Variants in NEDD4L observed in about 807,000 individuals in gnomAD.
NEDD4L encodes the protein NEDD4 like E3 ubiquitin protein ligase, also known as E3 ubiquitin-protein ligase NEDD4-like.
In NEDD4L, 54 loss-of-function variants were observed where a neutral mutation model predicts 148.9. The observed-to-expected ratio is 0.36, with a 90% CI of 0.29 to 0.45. NEDD4L has a LOEUF of 0.45. Ranked by LOEUF, NEDD4L falls within the 20% of genes least tolerant of loss-of-function variation. The probability of loss-of-function intolerance (pLI) is 1.00; values close to 1 mark genes in which losing one functional copy is unlikely to be tolerated. For synonymous variants in NEDD4L, 433 were observed against 440.7 expected (o/e 0.98, Z 0.22); for missense variants, 856 against 1,233.8 (o/e 0.69, Z 4.59).
At position 58,335,486 on chromosome 18, in the gene NEDD4L, C is replaced by A. The variant is rs1416886543; in HGVS notation, c.1074C>A (p.Ala358=). The A allele has an allele frequency of 6.2e-7, 1 of 1,613,296 alleles. No individual in the cohort carries two copies. The highest frequency in any genetic ancestry group is 1.3e-5 in the African/African-American group (1 of 74,886). ...TAAATTATCATTCACAGCCCAGTGC[C>A]CCAGCTGGGAGAGCGCGTTCATCAA... ...AEQGHLPPPS[A]PAGRARSSTV... is the part of the protein sequence containing the mutation. The change falls in exon 13 of 31, where the codon GCC becomes GCA. Residue 358 remains alanine, a synonymous_variant. Transcript: ENST00000400345.
At chr18:58,089,743 G>A (rs748428546) in intron 1 of NEDD4L, among the ~76,000 whole-genome samples, 5 of 152,048 alleles carry the variant, frequency 3.3e-5, no homozygotes, top group African/African-American at 2.4e-5. Context: ...AGATCAAGGC[G>A]TCATGAGGGT....
rs529382028 is a variant in NEDD4L, at chr18:58,132,008, C to T, written c.49-33780C>T. ...TTACTCTAAAGCAGGTCCCCTTGCT[C>T]CTCTCTGCTAGTGCATTCTCTTTCC... On this transcript the variant is annotated intron_variant, in intron 1 of 30. Coordinates refer to ENST00000400345, the MANE Select transcript of NEDD4L (RefSeq NM_001144967.3). 1.5e-3 allele frequency among the ~76,000 whole-genome samples: 223 copies of T among 152,290 alleles called. 1 individual carries two copies. The highest frequency in any genetic ancestry group is 5.1e-3 in the African/African-American group (214 of 41,558).
At chr18:58,076,318 G>C (rs2145002306) in intron 1 of NEDD4L, among the ~76,000 whole-genome samples, 1 of 152,294 alleles carries the variant, frequency 6.6e-6, no homozygotes, top group South Asian at 2.1e-4. Flanking sequence ...GCAAACCCTT[G>C]ATTCCATTCG....
At chr18:58,069,136 CAA>C (rs1161273608) in intron 1 of NEDD4L, among the ~76,000 whole-genome samples, 958 of 73,254 alleles carry the variant, frequency 0.013, 9 homozygotes, top group African/African-American at 0.037. Context: ...AATCTGTCTC[CAA>C]AAAAAAAAAA....
At chr18:58,294,153 G>A (rs1199839614) in intron 5 of NEDD4L, among the ~76,000 whole-genome samples, 8 of 152,118 alleles carry the variant, frequency 5.3e-5, no homozygotes, top group Admixed American at 1.3e-4. Flanking sequence ...TCGATATCAC[G>A]GAAATACACA....
At chr18:58,092,961 C>G (rs1282456320) in intron 1 of NEDD4L, among the ~76,000 whole-genome samples, 1 of 151,394 alleles carries the variant, frequency 6.6e-6, no homozygotes, top group Admixed American at 6.6e-5. Context: ...CCCAAGTTCA[C>G]GCCATTCTCC....
chr18:58,241,587 G>A (rs1206828651), intron 2 of NEDD4L, among the ~76,000 whole-genome samples: 1 of 150,380 alleles, frequency 6.6e-6, no homozygotes, highest in African/African-American at 2.5e-5. Flanking sequence ...GCAGGTCTGG[G>A]GTGGGGCCAG....
At chr18:58,364,645 A>G (rs1419813927) in intron 20 of NEDD4L, among the ~76,000 whole-genome samples, 3 of 152,200 alleles carry the variant, frequency 2.0e-5, no homozygotes, top group Non-Finnish European at 4.4e-5. Flanking sequence ...AAATCTGTGG[A>G]AGCCTATTCA....
At chr18:58,072,443 A>G (rs1033748743) in intron 1 of NEDD4L, among the ~76,000 whole-genome samples, 3 of 152,322 alleles carry the variant, frequency 2.0e-5, no homozygotes, top group East Asian at 1.9e-4. Context: ...AAACCACTCA[A>G]TGTAATCTGT....
intron 27 of NEDD4L, 115 bp from the exon 28 acceptor site, chr18:58,388,970 T>C (rs2049421338): frequency 2.5e-6 from 2 of 786,646 alleles, no homozygotes; most frequent in East Asian, 5.4e-5. Flanking sequence ...TATGATTTGC[T>C]AGCTTACCTT....
chr18:58,375,503 G>A (rs1435456424), intron 24 of NEDD4L, among the ~76,000 whole-genome samples: 1 of 152,048 alleles, frequency 6.6e-6, no homozygotes, highest in Non-Finnish European at 1.5e-5. Flanking sequence ...CCCCCCTCTG[G>A]CATTACCCTC....
At chr18:58,090,065 C>G (rs57476558) in intron 1 of NEDD4L, among the ~76,000 whole-genome samples, 9,848 of 152,148 alleles carry the variant, frequency 0.065, 410 homozygotes, top group East Asian at 0.17. Flanking sequence ...GTCTCGAACT[C>G]CTGACCTCGT....
rs1451089061 is a variant in NEDD4L at position 58,256,328 on chromosome 18, G to A, written c.297+4274G>A. 1 of 1,232,026 alleles carries A rather than the reference G, an allele frequency of 8.1e-7. No individual in the cohort carries two copies. The highest frequency in any genetic ancestry group is 1.0e-6 in the Non-Finnish European group (1 of 987,916). 76.3% of individuals were successfully genotyped at this position (1,232,026 alleles called of 1,614,324 possible). On this transcript the variant is annotated intron_variant, in intron 5 of 30. Transcript: ENST00000400345. This position sits in a 1 kb window ranked among gnomAD's most constrained non-coding sequence, Gnocchi z 5.2. ...GCCCAGGCGCTGGTCCCTGCAGCAC[G>A]TTCCAGATGCTTCTGGAAGCTCTGG...
chr18:58,184,431 G>A (rs1599467228), intron 2 of NEDD4L, among the ~76,000 whole-genome samples: 1 of 152,038 alleles, frequency 6.6e-6, no homozygotes, highest in Non-Finnish European at 1.5e-5. Context: ...GCCTTGCTGG[G>A]CACCTGGAGT....
chr18:58,189,881 A>G (rs538759662), intron 2 of NEDD4L: 2 of 152,238 alleles, frequency 1.3e-5, no homozygotes, highest in Admixed American at 1.3e-4. Flanking sequence ...AGTATCTTCT[A>G]TTTCATATCT....
intron 2 of NEDD4L, among the ~76,000 whole-genome samples, chr18:58,185,869 G>A (rs1020257651): frequency 6.6e-6 from 1 of 150,842 alleles, no homozygotes; most frequent in Non-Finnish European, 1.5e-5. Context: ...GCAAAACTCT[G>A]TCTCAAAAAA....
chr18:58,299,400 T>C (rs924024364), intron 5 of NEDD4L, among the ~76,000 whole-genome samples: 1 of 152,242 alleles, frequency 6.6e-6, no homozygotes. Context: ...ATGAATAACA[T>C]TGATATATTT....
At chr18:58,303,535 G>A (rs752848920) in intron 5 of NEDD4L, among the ~76,000 whole-genome samples, 2 of 152,102 alleles carry the variant, frequency 1.3e-5, no homozygotes, top group Non-Finnish European at 2.9e-5. Context: ...AAGGAGCTCC[G>A]CCTTTGGTCT....
At chr18:58,119,937 G>T (rs564447877) in intron 1 of NEDD4L, among the ~76,000 whole-genome samples, 123 of 152,292 alleles carry the variant, frequency 8.1e-4, no homozygotes, top group Admixed American at 2.3e-3. Context: ...GGCTCCCCAG[G>T]CCCCCTTTAA....
Sources: gnomAD v4.1 joint callset for allele counts (sites outside exome capture counted in the v4.1 genomes callset) on GRCh38, gnomAD v4.1.1 for gene constraint, Gnocchi (gnomAD v3.1) non-coding constraint, MANE v1.5 for transcripts, NCBI Gene and HGNC (gene_info 2026-07-23, HGNC 2026-07-21) for gene names.